MAGI1: variants seen among roughly 807,000 people sequenced by gnomAD.
The protein encoded by MAGI1 is membrane-associated guanylate kinase, WW and PDZ domain-containing protein 1.
MAGI1 carries 58 observed loss-of-function variants against 139.9 expected under a neutral mutation model. The observed-to-expected ratio is 0.41, with a 90% CI of 0.34 to 0.52. The LOEUF (loss-of-function observed/expected upper bound fraction) is 0.52. Among genes scored for constraint, MAGI1 ranks in the 20% least tolerant of loss-of-function variants. The pLI, the probability that MAGI1 is intolerant of heterozygous loss-of-function variation, is 0.12. For missense variants in MAGI1, 1,874 were observed against 1,901.6 expected, an observed-to-expected ratio of 0.99 and a Z score of 0.27; for synonymous variants, 812 against 737.9, an observed-to-expected ratio of 1.10 and a Z score of -1.63.
At chr3:65,918,446 T>C (rs1417492305) in intron 1 of MAGI1, among the ~76,000 whole-genome samples, 1 of 147,676 alleles carries the variant, frequency 6.8e-6, no homozygotes, top group Non-Finnish European at 1.5e-5. Context: ...AATGGCGCGA[T>C]CTCGGCTCAC....
At chr3:65,369,182 T>TC (rs1559902913) in intron 18 of MAGI1, among the ~76,000 whole-genome samples, 1 of 152,030 alleles carries the variant, frequency 6.6e-6, no homozygotes, top group East Asian at 1.9e-4. Context: ...AGGTAAGGAC[T>TC]CCCCCAACCT....
chr3:65,496,304 A>G (rs1952445102), intron 2 of MAGI1, among the ~76,000 whole-genome samples: 1 of 151,912 alleles, frequency 6.6e-6, no homozygotes, highest in Non-Finnish European at 1.5e-5. Context: ...TGGCCTCCAA[A>G]TTACTTGGAT....
intron 2 of MAGI1, among the ~76,000 whole-genome samples, chr3:65,520,955 G>T (rs928118517): frequency 2.0e-5 from 3 of 152,138 alleles, no homozygotes; most frequent in Non-Finnish European, 4.4e-5. Flanking sequence ...ATTCAGTGGA[G>T]GGCAAACTAT....
In MAGI1 at chr3:65,356,084, C is replaced by T. The variant is rs898327815; in HGVS notation, c.*294G>A. 5.1e-5 allele frequency: 12 copies of T among 233,650 alleles called. No individual in the cohort carries two copies. Among genetic ancestry groups the T allele is most frequent in the Non-Finnish European group, 8.2e-5 (10 of 122,556 alleles). 14.5% of individuals were successfully genotyped at this position (233,650 alleles called of 1,614,324 possible). A position where few individuals can be genotyped will look rare whatever the true frequency, so the allele number is the denominator to read the frequency against. ...GCCCCAAAACGGGAACAATTCTTGA[C>T]GATTCTACAGGTTACGTAGAAACAA... On this transcript the variant is annotated 3_prime_UTR_variant, in exon 23 of 23. Coordinates refer to ENST00000402939, the MANE Select transcript of MAGI1 (RefSeq NM_001033057.2).
At chr3:65,415,020 CA>C (rs60234120) in intron 12 of MAGI1, among the ~76,000 whole-genome samples, 47,914 of 122,146 alleles carry the variant, frequency 0.39, 8,270 homozygotes, top group South Asian at 0.55. Flanking sequence ...AAAAAAAAAA[CA>C]AAAAAAAAAA....
intron 1 of MAGI1, among the ~76,000 whole-genome samples, chr3:65,793,789 G>A (rs763580091): frequency 2.6e-5 from 4 of 152,226 alleles, no homozygotes; most frequent in Non-Finnish European, 4.4e-5. Context: ...GGAGAATCCA[G>A]TTAAGGAATA....
intron 1 of MAGI1, among the ~76,000 whole-genome samples, chr3:65,714,073 A>G (rs2107660506): frequency 6.6e-6 from 1 of 152,340 alleles, no homozygotes; most frequent in South Asian, 2.1e-4. Context: ...TGGCTGCTCT[A>G]TCTGTAAAAC....
intron 1 of MAGI1, among the ~76,000 whole-genome samples, chr3:65,763,437 G>GA (rs34448625): frequency 2.6e-5 from 4 of 151,982 alleles, no homozygotes; most frequent in Non-Finnish European, 5.9e-5. Context: ...AGGCCTGGCT[G>GA]AAAAAAACTA....
At chr3:65,403,572 CT>C (rs1196705600) in intron 12 of MAGI1, among the ~76,000 whole-genome samples, 1 of 151,918 alleles carries the variant, frequency 6.6e-6, no homozygotes, top group Non-Finnish European at 1.5e-5. Context: ...TCAGAGAGAC[CT>C]TCTTAGTTAA....
intron 1 of MAGI1, among the ~76,000 whole-genome samples, chr3:65,790,136 A>C (rs1577126781): frequency 6.6e-6 from 1 of 152,366 alleles, no homozygotes; most frequent in East Asian, 1.9e-4. Flanking sequence ...TATGTGCTTA[A>C]CAGGCTAGGC....
At position 65,562,150 on chromosome 3, in the gene MAGI1, GT is replaced by G. The variant is rs2080385454; in HGVS notation, c.430+59821del. The stretch of plus-strand genomic sequence containing the variant: ...TAGGAATAAACAGAGTATATATAGG[GT>G]TATGTACTATCTGCAGTTTCAGGCT... On this transcript the variant is annotated intron_variant, in intron 2 of 22. Transcript: ENST00000402939. 2.0e-5 allele frequency among the ~76,000 whole-genome samples: 3 copies of G among 152,146 alleles called. No homozygotes were observed. The East Asian group carries it at 5.8e-4, about 29-fold the overall frequency.
intron 1 of MAGI1, among the ~76,000 whole-genome samples, chr3:65,924,248 C>T (rs1191288243): frequency 6.6e-6 from 1 of 152,218 alleles, no homozygotes; most frequent in Non-Finnish European, 1.5e-5. Flanking sequence ...AGTAGGATCA[C>T]AAGCCCTATT....
At chr3:66,032,440 T>C (rs2068667109) in intron 1 of MAGI1, among the ~76,000 whole-genome samples, 1 of 149,668 alleles carries the variant, frequency 6.7e-6, no homozygotes, top group Non-Finnish European at 1.5e-5. Context: ...CAGGCTGGTC[T>C]TGAACTCCTG....
intron 1 of MAGI1, among the ~76,000 whole-genome samples, chr3:65,761,792 G>A (rs1413390330): frequency 6.6e-6 from 1 of 152,138 alleles, no homozygotes; most frequent in Non-Finnish European, 1.5e-5. Flanking sequence ...CACTCACTAG[G>A]GAATGTGATC....
chr3:65,794,983 A>G (rs1286893036), intron 1 of MAGI1, among the ~76,000 whole-genome samples: 3 of 152,176 alleles, frequency 2.0e-5, no homozygotes, highest in Non-Finnish European at 4.4e-5. Flanking sequence ...CAACGACGCA[A>G]ATGACTAATG....
At chr3:66,034,563 T>C (rs1275945808) in intron 1 of MAGI1, among the ~76,000 whole-genome samples, 3 of 152,188 alleles carry the variant, frequency 2.0e-5, no homozygotes, top group Non-Finnish European at 4.4e-5. Flanking sequence ...CCGAAGCATA[T>C]ACTAGGACGG....
intron 1 of MAGI1, among the ~76,000 whole-genome samples, chr3:65,953,688 C>T (rs913084959): frequency 2.6e-5 from 4 of 152,142 alleles, no homozygotes; most frequent in South Asian, 2.1e-4. Context: ...CCCTGCTGTG[C>T]GGGGCTCACA....
At chr3:65,795,727 GGAGA>G (rs67313047) in intron 1 of MAGI1, among the ~76,000 whole-genome samples, 1 of 64,392 alleles carries the variant, frequency 1.6e-5, no homozygotes, top group South Asian at 6.2e-4. Context: ...ACACACACAC[GGAGA>G]GAGAGAGAGA....
rs556869790 is a variant in MAGI1 at position 65,570,982 on chromosome 3, CA to C, written c.430+50989del. 7.2e-5 allele frequency among the ~76,000 whole-genome samples: 11 copies of C among 152,266 alleles called. No homozygotes were observed. The South Asian group carries it at 2.3e-3, about 32-fold the overall frequency. On this transcript the variant is annotated intron_variant, in intron 2 of 22. Transcript: ENST00000402939. ...TGGTATCTGTAGAAACGGAGGCTTA[CA>C]TTTTTTTGGAAAGCCTCAAAATCAG...
Sources: gnomAD v4.1 joint callset for allele counts (sites outside exome capture counted in the v4.1 genomes callset) on GRCh38, gnomAD v4.1.1 for gene constraint, MANE v1.5 for transcripts, NCBI Gene and HGNC (gene_info 2026-07-23, HGNC 2026-07-21) for gene names.